Variants in GRM8 observed in about 807,000 individuals in gnomAD.
The protein encoded by GRM8 is glutamate metabotropic receptor 8, also known as metabotropic glutamate receptor 8.
Under a neutral mutation model 87.2 loss-of-function variants are expected in GRM8, and 47 were observed. The ratio of observed to expected loss-of-function variants is 0.54; its 90% CI spans 0.43 to 0.69. GRM8 has a LOEUF of 0.69. Ranked by LOEUF, GRM8 falls within the 30% of genes least tolerant of loss-of-function variation. The pLI is 0.00. For missense variants in GRM8, 1,019 were observed against 1,139.2 expected (o/e 0.89, Z 1.52); for synonymous variants, 396 against 404.5 (o/e 0.98, Z 0.25).
At position 126,482,213 on chromosome 7, in the gene GRM8, T is replaced by A. The variant is rs1401680630; in HGVS notation, c.2431-35841A>T. 2.0e-5 allele frequency among the ~76,000 whole-genome samples: 3 copies of A among 152,010 alleles called. No individual in the cohort carries two copies. The East Asian group carries it at 5.8e-4, about 29-fold the overall frequency. ...GTGCCCTGTTTGTAGTAATGTAAAA[T>A]GGTAACGTTGCTTTGGAAAACAATA... On this transcript the variant is annotated intron_variant, in intron 9 of 10. Coordinates refer to ENST00000339582, the MANE Select transcript of GRM8 (RefSeq NM_000845.3).
rs1387962341 is a variant in GRM8 at position 126,698,661 on chromosome 7, T to C, written c.1357+71204A>G. The stretch of plus-strand genomic sequence containing the variant: ...CTTTCCTAATCAAGCTATTTTTTCA[T>C]AAATTTAACAACTGTCATAAATGAA... On this transcript the variant is annotated intron_variant, in intron 7 of 10. Transcript: ENST00000339582. Among the ~76,000 whole-genome samples, 10 of 152,258 alleles carry C rather than the reference T, an allele frequency of 6.6e-5. No homozygotes were observed. The East Asian group carries it at 1.9e-3, about 29-fold the overall frequency.
intron 3 of GRM8, among the ~76,000 whole-genome samples, chr7:127,104,738 T>C (rs1257954105): frequency 6.6e-6 from 1 of 152,206 alleles, no homozygotes. Context: ...CTAATGACTA[T>C]GATAGAAACA....
At chr7:126,616,566 C>CA (rs1363960596) in intron 7 of GRM8, among the ~76,000 whole-genome samples, 1 of 151,960 alleles carries the variant, frequency 6.6e-6, no homozygotes, top group Admixed American at 6.6e-5. Flanking sequence ...AAAAACTCTT[C>CA]AAAAAATCAA....
chr7:126,701,948 C>A, intron 7 of GRM8: 1 of 339,482 alleles, frequency 2.9e-6, no homozygotes, highest in Non-Finnish European at 6.0e-6. Flanking sequence ...ATCATGCTAC[C>A]CATTTCTTTC....
At chr7:126,675,585 A>C (rs1806875644) in intron 7 of GRM8, among the ~76,000 whole-genome samples, 1 of 152,250 alleles carries the variant, frequency 6.6e-6, no homozygotes, top group Admixed American at 6.5e-5. Context: ...GGATGGTTCA[A>C]CAAACACAAG....
intron 3 of GRM8, among the ~76,000 whole-genome samples, chr7:127,035,570 A>G (rs1817775345): frequency 6.6e-6 from 1 of 152,040 alleles, no homozygotes; most frequent in African/African-American, 2.4e-5. Context: ...TCTCTAACTA[A>G]ATACTGAGCT....
chr7:126,657,939 A>C (rs1219925781), intron 7 of GRM8, among the ~76,000 whole-genome samples: 1 of 152,256 alleles, frequency 6.6e-6, no homozygotes, highest in East Asian at 1.9e-4. Context: ...TAAAGCCGGA[A>C]ACGACAAACT....
intron 2 of GRM8, among the ~76,000 whole-genome samples, chr7:127,178,769 GT>G (rs1794262100): frequency 6.6e-6 from 1 of 152,128 alleles, no homozygotes; most frequent in Non-Finnish European, 1.5e-5. Context: ...AGATACTGTT[GT>G]TTTCAGACAA....
intron 9 of GRM8, among the ~76,000 whole-genome samples, chr7:126,489,760 A>G (rs1211712100): frequency 6.6e-6 from 1 of 152,046 alleles, no homozygotes; most frequent in African/African-American, 2.4e-5. Context: ...GTAAAACATT[A>G]TTTCTTGGTG....
chr7:126,791,366 C>T (rs533967849), intron 6 of GRM8, among the ~76,000 whole-genome samples: 1 of 152,230 alleles, frequency 6.6e-6, no homozygotes, highest in East Asian at 1.9e-4. Context: ...ATCTTTCTAC[C>T]TTCTGCACTA....
At chr7:126,901,768 T>C (rs963464768) in intron 6 of GRM8, among the ~76,000 whole-genome samples, 3 of 152,224 alleles carry the variant, frequency 2.0e-5, no homozygotes, top group African/African-American at 7.2e-5. Flanking sequence ...TTTGTTAAAA[T>C]TGACCCTTAT....
chr7:126,776,457 C>T (rs28737321), intron 6 of GRM8, among the ~76,000 whole-genome samples: 2,922 of 152,228 alleles, frequency 0.019, 98 homozygotes, highest in African/African-American at 0.067. Context: ...TCCCCAAGGG[C>T]ATCAAGACCT....
chr7:126,571,318 A>C (rs1315922475), intron 8 of GRM8, among the ~76,000 whole-genome samples: 1 of 152,210 alleles, frequency 6.6e-6, no homozygotes, highest in Non-Finnish European at 1.5e-5. Context: ...TCCCAAAGGG[A>C]ACCCCATGGA....
At chr7:126,683,783 T>C (rs1276180163) in intron 7 of GRM8, among the ~76,000 whole-genome samples, 1 of 152,210 alleles carries the variant, frequency 6.6e-6, no homozygotes, top group African/African-American at 2.4e-5. Context: ...ACTTATGGTC[T>C]TTGGATGATG....
In GRM8 at chr7:126,438,859, C is replaced by T; in HGVS notation, c.*260G>A. The T allele has an allele frequency of 5.7e-6, 2 of 350,516 alleles. No individual in the cohort carries two copies. The highest frequency in any genetic ancestry group is 1.0e-5 in the Non-Finnish European group (2 of 193,104). 21.7% of individuals were successfully genotyped at this position (350,516 alleles called of 1,614,324 possible). A position where few individuals can be genotyped will look rare whatever the true frequency, so the allele number is the denominator to read the frequency against. The stretch of plus-strand genomic sequence containing the variant: ...TTTTCACGAGCTAACATTAGTTTTC[C>T]TTTTGTGATTTGTTTTAACTGCTCA... On this transcript the variant is annotated 3_prime_UTR_variant, in exon 11 of 11. Coordinates refer to ENST00000339582, the MANE Select transcript of GRM8 (RefSeq NM_000845.3).
At chr7:126,536,185 A>G (rs1214891031) in intron 8 of GRM8, among the ~76,000 whole-genome samples, 1 of 152,214 alleles carries the variant, frequency 6.6e-6, no homozygotes, top group Non-Finnish European at 1.5e-5. Flanking sequence ...GTATACTTCC[A>G]AAGCAGCCCG....
chr7:126,936,547 CA>C (rs1806343024), intron 3 of GRM8, among the ~76,000 whole-genome samples: 1 of 152,304 alleles, frequency 6.6e-6, no homozygotes, highest in African/African-American at 2.4e-5. Context: ...TCCCTACTTC[CA>C]ACAGCCTTCT....
intron 7 of GRM8, among the ~76,000 whole-genome samples, chr7:126,663,344 G>T (rs1327476661): frequency 6.6e-6 from 1 of 152,076 alleles, no homozygotes; most frequent in Non-Finnish European, 1.5e-5. Flanking sequence ...AAAGAAAAAA[G>T]AAAACTACAG....
At chr7:127,182,370 C>G (rs562479116) in intron 2 of GRM8, among the ~76,000 whole-genome samples, 8 of 151,962 alleles carry the variant, frequency 5.3e-5, no homozygotes, top group African/African-American at 1.7e-4. Flanking sequence ...ATGCAGTGAA[C>G]AGGGAACACT....
Sources: allele counts gnomAD v4.1 joint callset (sites outside exome capture counted in the v4.1 genomes callset), GRCh38; gene constraint gnomAD v4.1.1; transcripts MANE v1.5; gene names NCBI Gene and HGNC (gene_info 2026-07-23, HGNC 2026-07-21).